KIF1A: variants seen among roughly 807,000 people sequenced by gnomAD.
KIF1A encodes kinesin-like protein KIF1A.
Under a neutral mutation model 227.3 loss-of-function variants are expected in KIF1A, and 46 were observed. That is an observed-to-expected ratio of 0.20 (90% CI 0.16 to 0.26). KIF1A has a LOEUF of 0.26. Among genes scored for constraint, KIF1A ranks in the 10% least tolerant of loss-of-function variants. KIF1A has a pLI of 1.00. For synonymous variants in KIF1A, 1,022 were observed against 1,012.8 expected, an observed-to-expected ratio of 1.01 and a Z score of -0.17; for missense variants, 1,683 against 2,485.9, an observed-to-expected ratio of 0.68 and a Z score of 6.87.
chr2:240,761,973 G>A (rs1240501116), intron 23 of KIF1A, among the ~76,000 whole-genome samples: 1 of 152,208 alleles, frequency 6.6e-6, no homozygotes, highest in East Asian at 1.9e-4. Flanking sequence ...GCCCTTGAGA[G>A]AAGGACAAGC....
intron 23 of KIF1A, 54 bp from the exon 24 acceptor site, chr2:240,761,431 C>G: frequency 5.4e-6 from 8 of 1,487,262 alleles, no homozygotes; most frequent in Non-Finnish European, 7.2e-6. Context: ...CCCTGCCCAC[C>G]ATGCCCCGCC....
At chr2:240,745,148 G>A (rs2048433781) in intron 32 of KIF1A, among the ~76,000 whole-genome samples, 1 of 151,978 alleles carries the variant, frequency 6.6e-6, no homozygotes, top group Non-Finnish European at 1.5e-5. Context: ...CAAATCCCAG[G>A]CCCCACTGCA....
In KIF1A at chr2:240,721,877, C is replaced by T. The variant is rs2125592513; in HGVS notation, c.4673G>A (p.Arg1558His). ...TCTGTTGAATGTGTGCGTGAGCAGG[C>T]GCAAGCACTGTGGACAGAGCACACG... ...RQRELAVKCL[R>H]LLTHTFNREY... The change falls in exon 44 of 49, where the codon CGC becomes CAC. Residue 1558 changes from arginine (R) to histidine (H), a missense_variant. Coordinates refer to ENST00000498729, the MANE Select transcript of KIF1A (RefSeq NM_001244008.2). 1.9e-6 allele frequency: 3 copies of T among 1,605,384 alleles called. No individual in the cohort carries two copies. The highest frequency in any genetic ancestry group is 1.1e-5 in the South Asian group (1 of 90,238).
intron 10 of KIF1A, among the ~76,000 whole-genome samples, chr2:240,777,200 T>G (rs868265609): frequency 6.4e-4 from 97 of 152,152 alleles, no homozygotes; most frequent in African/African-American, 2.2e-3. Context: ...TGTGCCACCA[T>G]GCCTGGCTAA....
At position 240,820,045 on chromosome 2, in the gene KIF1A, C is replaced by T; in HGVS notation, c.-61+77G>A. On this transcript the variant is annotated intron_variant, in intron 1 of 48. Coordinates refer to ENST00000498729, the MANE Select transcript of KIF1A (RefSeq NM_001244008.2). The surrounding 1 kb of genome is among the most constrained non-coding windows in gnomAD (Gnocchi z 6.2). ...TGGGCGCAGTGGGTGCAGGTGCGGGCTGCGGGCGCGGGCTGCCGGGCGCAG... is the reference window on the plus strand; with the variant it reads ...TGGGCGCAGTGGGTGCAGGTGCGGGTTGCGGGCGCGGGCTGCCGGGCGCAG... 1 of 152,312 alleles carries T rather than the reference C, an allele frequency of 6.6e-6. No individual in the cohort carries two copies. The highest frequency in any genetic ancestry group is 1.8e-4 in the South Asian group (1 of 5,676). The allele number at this position is 152,312 out of a possible 1,614,324, so 9.4% of individuals were successfully genotyped here.
In KIF1A at chr2:240,718,096, G is replaced by A; in HGVS notation, c.5287C>T (p.His1763Tyr). 1 of 1,611,802 alleles carries A rather than the reference G, an allele frequency of 6.2e-7. No individual in the cohort carries two copies. Among genetic ancestry groups the A allele is most frequent in the Non-Finnish European group, 8.5e-7 (1 of 1,179,440 alleles). The change falls in exon 48 of 49, where the codon CAT (histidine) becomes TAT (tyrosine). Residue 1763 changes from histidine (H) to tyrosine (Y), a missense_variant. By Grantham distance (83) the His-to-Tyr change is moderately conservative (BLOSUM62 2). This residue lies in a region of KIF1A where 384 missense variants were observed against 410.1 expected (regional missense o/e 0.94). Transcript: ENST00000498729. Reference protein sequence around the residue: ...LLQAASDKDMHDWLYAFNPLL... With the variant: ...LLQAASDKDMYDWLYAFNPLL... ...GGGTTGAAGGCGTACAGCCAGTCAT[G>A]CATGTCCTTGTCGCTGGCGGCCTGC... is the stretch of plus-strand genomic sequence containing the variant.
At chr2:240,746,287 G>A in intron 29 of KIF1A, 110 bp from the exon 30 acceptor site, 1 of 1,360,574 alleles carries the variant, frequency 7.3e-7, no homozygotes, top group Non-Finnish European at 1.0e-6. Flanking sequence ...AGCCTGGGCT[G>A]GGGCCTCCAT....
chr2:240,756,999 G>C (rs1251504430), intron 27 of KIF1A, among the ~76,000 whole-genome samples: 1 of 152,188 alleles, frequency 6.6e-6, no homozygotes, highest in African/African-American at 2.4e-5. Flanking sequence ...GGGTTCCTAC[G>C]GCCTCTCTGC....
chr2:240,813,737 C>T (rs1227025431), intron 1 of KIF1A, among the ~76,000 whole-genome samples: 1 of 152,136 alleles, frequency 6.6e-6, no homozygotes, highest in Admixed American at 6.5e-5. Flanking sequence ...CTGCCGCTCC[C>T]GCCAATGGCC....
Position 240,788,041 on chromosome 2 carries a change from C to CCCCTCGG in KIF1A, c.363+9_363+10insCCGAGGG. On this transcript the variant is annotated intron_variant, in intron 4 of 48. Coordinates refer to ENST00000498729, the MANE Select transcript of KIF1A (RefSeq NM_001244008.2). This position sits in a 1 kb window ranked among gnomAD's most constrained non-coding sequence, Gnocchi z 6.6. ...GCCAGGGCTGCCCCCGCCCGCCCCC[C>CCCCTCGG]GCTTCGTGCCTGTGGGATGATGCCC... is the stretch of plus-strand genomic sequence containing the variant. 6.6e-7 allele frequency: 1 copy of CCCCTCGG among 1,520,688 alleles called. No homozygotes were observed. 94.2% of individuals were successfully genotyped at this position (1,520,688 alleles called of 1,614,324 possible).
intron 1 of KIF1A, among the ~76,000 whole-genome samples, chr2:240,806,591 A>G (rs957856018): frequency 3.9e-5 from 6 of 152,206 alleles, no homozygotes; most frequent in Non-Finnish European, 7.3e-5. Flanking sequence ...CTGGTCTTCA[A>G]GTAAGTTAAG....
chr2:240,797,721 C>T lies in KIF1A; in HGVS notation c.32G>A (p.Arg11Gln), dbSNP rs1575654528. Residue 11 changes from arginine to glutamine, a missense_variant, in exon 2 of 49, where the codon CGG becomes CAG. Physicochemically the swap from Arg to Gln is conservative, Grantham distance 43 (BLOSUM62 1). Transcript: ENST00000498729. The stretch of plus-strand genomic sequence containing the variant: ...TTCCCGGGAATTGAAGGGGCGGACC[C>T]GCACCGCCACCTTCACCGAAGCCCC... MAGASVKVAV[R>Q]VRPFNSREMS... 6.2e-7 allele frequency: 1 copy of T among 1,611,808 alleles called. No homozygotes were observed. The highest frequency in any genetic ancestry group is 8.5e-7 in the Non-Finnish European group (1 of 1,179,576).
intron 28 of KIF1A, among the ~76,000 whole-genome samples, 171 bp from the exon 29 acceptor site, chr2:240,747,492 C>T (rs996732846): frequency 2.0e-5 from 3 of 152,168 alleles, no homozygotes; most frequent in African/African-American, 7.2e-5. Flanking sequence ...CAGGGCATGT[C>T]CCGGCACACT....
chr2:240,761,204 A>T (rs1033105206), intron 24 of KIF1A, 25 bp downstream of exon 24: 1 of 1,599,602 alleles, frequency 6.3e-7, no homozygotes, highest in Non-Finnish European at 8.5e-7. Context: ...CCAACAGGAA[A>T]CGGTACAGCC....
chr2:240,767,555 G>A (rs2051364844), intron 17 of KIF1A, among the ~76,000 whole-genome samples: 1 of 152,260 alleles, frequency 6.6e-6, no homozygotes, highest in African/African-American at 2.4e-5. Context: ...AACAGCAGCA[G>A]GCCGGTGGGA....
rs948029010 is a variant in KIF1A, at chr2:240,793,140, C to T, written c.107-3828G>A. On this transcript the variant is annotated intron_variant, in intron 2 of 48. Coordinates refer to ENST00000498729, the MANE Select transcript of KIF1A (RefSeq NM_001244008.2). This position sits in a 1 kb window ranked among gnomAD's most constrained non-coding sequence, Gnocchi z 4.8. ...CGTGCAGAGGGGCTTGCCCAGGTCC[C>T]CGACTGCTCGGGATTGGGGGAGCCC... 6.6e-6 allele frequency among the ~76,000 whole-genome samples: 1 copy of T among 152,200 alleles called. No homozygotes were observed. The highest frequency in any genetic ancestry group is 1.5e-5 in the Non-Finnish European group (1 of 68,028).
At chr2:240,772,691 G>A (rs983740233) in intron 13 of KIF1A, 95 bp from the exon 14 acceptor site, 2 of 1,039,838 alleles carry the variant, frequency 1.9e-6, no homozygotes, top group African/African-American at 1.6e-5. Flanking sequence ...CACAGGCCAG[G>A]GTGGCCAGCA....
intron 1 of KIF1A, among the ~76,000 whole-genome samples, chr2:240,812,898 G>GGGGATCCGCCTTCACCTC (rs2058010798): frequency 3.4e-5 from 1 of 29,130 alleles, no homozygotes; most frequent in Admixed American, 4.7e-4. Context: ...CCTTCACCTC[G>GGGGATCCGCCTTCACCTC]GGGATCCGCC....
chr2:240,769,995 C>T (rs916388372), intron 15 of KIF1A, among the ~76,000 whole-genome samples: 1 of 152,198 alleles, frequency 6.6e-6, no homozygotes, highest in African/African-American at 2.4e-5. Context: ...GCCATCCTCG[C>T]TGCTGCCAAG....
Sources: allele counts gnomAD v4.1 joint callset (sites outside exome capture counted in the v4.1 genomes callset), GRCh38; gene constraint gnomAD v4.1.1; regional missense constraint gnomAD v4.1.1; non-coding constraint Gnocchi (gnomAD v3.1); transcripts MANE v1.5; gene names NCBI Gene and HGNC (gene_info 2026-07-23, HGNC 2026-07-21).